The following NRG1 variants were observed in gnomAD, a reference collection of about 807,000 sequenced individuals.
The protein encoded by NRG1 is neuregulin 1, also known as pro-neuregulin-1, membrane-bound isoform.
A neutral mutation model predicts 63.8 loss-of-function variants in NRG1; 18 were observed. The observed-to-expected ratio is 0.28, with a 90% CI of 0.19 to 0.42. The LOEUF (loss-of-function observed/expected upper bound fraction) is 0.42. Among genes scored for constraint, NRG1 ranks in the 10% least tolerant of loss-of-function variants. The pLI is 1.00. For synonymous variants in NRG1, 302 were observed against 301.3 expected (o/e 1.00, Z -0.02); for missense variants, 762 against 814.7 (o/e 0.94, Z 0.79).
chr8:31,918,890 G>A (rs1326119720), intron 1 of NRG1, among the ~76,000 whole-genome samples: 1 of 152,064 alleles, frequency 6.6e-6, no homozygotes, highest in African/African-American at 2.4e-5. Context: ...TTCTGTTATT[G>A]GTGTATTCAG....
At chr8:32,089,641 C>T (rs1828805151) in intron 1 of NRG1, among the ~76,000 whole-genome samples, 2 of 152,012 alleles carry the variant, frequency 1.3e-5, no homozygotes, top group African/African-American at 4.8e-5. Flanking sequence ...GCACTGTGTG[C>T]AATGAGCAAA....
intron 1 of NRG1, among the ~76,000 whole-genome samples, chr8:32,569,249 A>G (rs112741363): frequency 6.6e-6 from 1 of 152,114 alleles, no homozygotes; most frequent in Non-Finnish European, 1.5e-5. Context: ...GGGTTTTGCC[A>G]TGTTGGCCAG....
chr8:31,989,270 A>AAAAAAAAAAAAAAAAAAAAAAAAAAAAAC, intron 1 of NRG1, among the ~76,000 whole-genome samples: 1 of 147,900 alleles, frequency 6.8e-6, no homozygotes, highest in East Asian at 2.0e-4. Context: ...AAAAAAAAAA[A>AAAAAAAAAAAAAAAAAAAAAAAAAAAAAC]AAAGAACAAA....
In NRG1 at chr8:32,480,508, C is replaced by T. The variant is rs114699892; in HGVS notation, c.38-115320C>T. Among the ~76,000 whole-genome samples the T allele has an allele frequency of 8.2e-3, 1,196 of 145,962 alleles. 16 individuals are homozygous for T. The highest frequency in any genetic ancestry group is 0.027 in the African/African-American group (1,092 of 39,754). On this transcript the variant is annotated intron_variant, in intron 1 of 10. Transcript: ENST00000519301. Reference sequence around the variant, plus strand: ...ACAAAAACAAAAAAAACAAAAAAAACGAGGCAAGGTGATGGAGATGTTAAT... The same window carrying T: ...ACAAAAACAAAAAAAACAAAAAAAATGAGGCAAGGTGATGGAGATGTTAAT...
intron 1 of NRG1, among the ~76,000 whole-genome samples, chr8:32,501,279 C>G (rs1827820797): frequency 6.6e-6 from 1 of 152,210 alleles, no homozygotes; most frequent in African/African-American, 2.4e-5. Context: ...CAAGACATCT[C>G]ATGAACAGCA....
intron 1 of NRG1, among the ~76,000 whole-genome samples, chr8:31,927,671 A>G (rs28530517): frequency 0.025 from 3,686 of 147,952 alleles, 158 homozygotes; most frequent in African/African-American, 0.086. Flanking sequence ...GATGGTCTCG[A>G]TCTCCTGACC....
chr8:32,178,765 A>G (rs542472920), intron 1 of NRG1, among the ~76,000 whole-genome samples: 1 of 152,218 alleles, frequency 6.6e-6, no homozygotes, highest in South Asian at 2.1e-4. Flanking sequence ...GGAATATACA[A>G]GTTAGCGATA....
intron 5 of NRG1, among the ~76,000 whole-genome samples, chr8:32,654,698 T>A (rs1855912695): frequency 1.2e-5 from 1 of 84,416 alleles, no homozygotes; most frequent in Non-Finnish European, 2.7e-5. Context: ...TGGACATCTG[T>A]CTCCCAACAA....
chr8:31,950,673 G>A (rs1447486974), intron 1 of NRG1, among the ~76,000 whole-genome samples: 1 of 152,134 alleles, frequency 6.6e-6, no homozygotes, highest in Non-Finnish European at 1.5e-5. Context: ...TAGGCTCTCT[G>A]ATTAACTGAG....
At chr8:31,996,505 G>A (rs1563662062) in intron 1 of NRG1, among the ~76,000 whole-genome samples, 1 of 151,926 alleles carries the variant, frequency 6.6e-6, no homozygotes, top group Non-Finnish European at 1.5e-5. Context: ...GCTGAGATGA[G>A]GGGCTTACCT....
At chr8:32,162,147 A>G (rs1838900063) in intron 1 of NRG1, among the ~76,000 whole-genome samples, 1 of 152,246 alleles carries the variant, frequency 6.6e-6, no homozygotes. Context: ...GCAATGTGAA[A>G]AACATATTAA....
intron 1 of NRG1, among the ~76,000 whole-genome samples, chr8:32,248,469 A>G (rs1586370442): frequency 1.3e-5 from 2 of 152,212 alleles, no homozygotes; most frequent in African/African-American, 4.8e-5. Flanking sequence ...ACAAAAGGCA[A>G]AAAAGTATAT....
chr8:32,577,034 T>C (rs1839777549), intron 1 of NRG1, among the ~76,000 whole-genome samples: 2 of 152,100 alleles, frequency 1.3e-5, no homozygotes, highest in South Asian at 4.1e-4. Flanking sequence ...TATGAGTATT[T>C]GATGTTTAGC....
intron 1 of NRG1, among the ~76,000 whole-genome samples, chr8:32,369,260 G>A (rs956469399): frequency 5.3e-5 from 8 of 152,184 alleles, no homozygotes; most frequent in East Asian, 3.9e-4. Flanking sequence ...CTGGAGAGCC[G>A]CTTCCTCTCT....
chr8:32,003,808 CA>C (rs1813318924), intron 1 of NRG1, among the ~76,000 whole-genome samples: 1 of 151,552 alleles, frequency 6.6e-6, no homozygotes, highest in South Asian at 2.1e-4. Flanking sequence ...ACAAAACATT[CA>C]AGGAGGGAAA....
intron 1 of NRG1, among the ~76,000 whole-genome samples, chr8:32,021,163 A>C (rs544915932): frequency 6.6e-6 from 1 of 152,310 alleles, no homozygotes; most frequent in East Asian, 1.9e-4. Flanking sequence ...TTTTTCAGAA[A>C]AAATGCCTTA....
chr8:31,799,218 T>C (rs752489018), intron 1 of NRG1, among the ~76,000 whole-genome samples: 1 of 152,118 alleles, frequency 6.6e-6, no homozygotes, highest in Non-Finnish European at 1.5e-5. Context: ...AGTGTCCATG[T>C]ATCTCTAAAC....
intron 1 of NRG1, among the ~76,000 whole-genome samples, chr8:31,705,363 T>G (rs1165878779): frequency 6.6e-6 from 1 of 152,212 alleles, no homozygotes. Context: ...TGTTTTTATT[T>G]TGTAAAACGG....
At chr8:32,678,951 T>C (rs1439419788) in intron 5 of NRG1, among the ~76,000 whole-genome samples, 1 of 151,948 alleles carries the variant, frequency 6.6e-6, no homozygotes, top group East Asian at 1.9e-4. Flanking sequence ...TGGCAACTGC[T>C]TGGGTAGGAT....
Sources: gnomAD v4.1 joint callset for allele counts (sites outside exome capture counted in the v4.1 genomes callset) on GRCh38, gnomAD v4.1.1 for gene constraint, MANE v1.5 for transcripts, NCBI Gene and HGNC (gene_info 2026-07-23, HGNC 2026-07-21) for gene names.